Variants in PTPRG observed in about 807,000 individuals in gnomAD.
The protein encoded by PTPRG is protein tyrosine phosphatase receptor type G, also known as receptor-type tyrosine-protein phosphatase gamma.
PTPRG carries 102 observed loss-of-function variants against 165.3 expected under a neutral mutation model. The observed-to-expected ratio is 0.62, with a 90% CI of 0.53 to 0.73. The LOEUF (loss-of-function observed/expected upper bound fraction) is 0.73. Among genes scored for constraint, PTPRG ranks in the 30% least tolerant of loss-of-function variants. The pLI is 0.00. For missense variants in PTPRG, 1,866 were observed against 1,861.4 expected (o/e 1.00, Z -0.05); for synonymous variants, 675 against 669.5 (o/e 1.01, Z -0.13).
Position 62,191,482 on chromosome 3 carries a change from A to T in PTPRG, c.1047A>T (p.Pro349=), listed in dbSNP as rs1216901433. 3.1e-6 allele frequency: 5 copies of T among 1,613,628 alleles called. No individual in the cohort carries two copies. Among genetic ancestry groups the T allele is most frequent in the African/African-American group, 2.7e-5 (2 of 74,870 alleles). Reference sequence around the variant, plus strand: ...GTGTATCTTCAGTTTGCAGCTCTCCACCCATCCACATGAAGGTGCAGCCTC... The same window carrying T: ...GTGTATCTTCAGTTTGCAGCTCTCCTCCCATCCACATGAAGGTGCAGCCTC... The part of the protein sequence containing the change: ...GTEASKVCSS[P]PIHMKVQPLN... The change falls in exon 9 of 30, where the codon CCA becomes CCT. Residue 349 remains proline (P), a synonymous_variant. Transcript: ENST00000474889.
chr3:61,731,296 C>T (rs1215776550), intron 1 of PTPRG, among the ~76,000 whole-genome samples: 2 of 150,342 alleles, frequency 1.3e-5, no homozygotes, highest in African/African-American at 4.9e-5. Flanking sequence ...GGGACAGGAA[C>T]ATTAGTAGGG....
At chr3:61,947,442 A>G (rs1455263733) in intron 2 of PTPRG, among the ~76,000 whole-genome samples, 1 of 152,222 alleles carries the variant, frequency 6.6e-6, no homozygotes, top group Admixed American at 6.5e-5. Context: ...AAATTGAGAT[A>G]AAGTGCACAG....
At chr3:62,071,364 C>T (rs1451873424) in intron 4 of PTPRG, among the ~76,000 whole-genome samples, 2 of 152,162 alleles carry the variant, frequency 1.3e-5, no homozygotes, top group Non-Finnish European at 2.9e-5. Flanking sequence ...CCTTTTGCTT[C>T]CATGATCACA....
intron 14 of PTPRG, among the ~76,000 whole-genome samples, chr3:62,243,215 G>A (rs1434729373): frequency 6.6e-6 from 1 of 151,878 alleles, no homozygotes; most frequent in Non-Finnish European, 1.5e-5. Flanking sequence ...AAACAAACAA[G>A]CAGATGACAC....
chr3:61,813,563 G>GTA (rs1224358853), intron 2 of PTPRG, among the ~76,000 whole-genome samples: 1 of 146,440 alleles, frequency 6.8e-6, no homozygotes, highest in Non-Finnish European at 1.5e-5. Context: ...GTGTGTGTGT[G>GTA]TGTGTGTGTG....
At chr3:61,704,471 T>C (rs2031145100) in intron 1 of PTPRG, among the ~76,000 whole-genome samples, 1 of 152,086 alleles carries the variant, frequency 6.6e-6, no homozygotes, top group Non-Finnish European at 1.5e-5. Context: ...GAAAAACAAA[T>C]ACAAATTTGT....
At chr3:62,279,656 T>C (rs1702359967) in intron 26 of PTPRG, among the ~76,000 whole-genome samples, 1 of 152,094 alleles carries the variant, frequency 6.6e-6, no homozygotes, top group South Asian at 2.1e-4. Context: ...CAGACTTCTT[T>C]TGTATAGACT....
chr3:62,209,056 A>G (rs1463347911), intron 12 of PTPRG, among the ~76,000 whole-genome samples: 1 of 152,238 alleles, frequency 6.6e-6, no homozygotes. Context: ...TCCCAGAATG[A>G]GCAATGCCAG....
chr3:61,812,000 C>A (rs956298426), intron 2 of PTPRG, among the ~76,000 whole-genome samples: 3 of 151,938 alleles, frequency 2.0e-5, no homozygotes, highest in Non-Finnish European at 4.4e-5. Context: ...GGCCTGTCTT[C>A]AAAAAAAGGC....
In PTPRG at chr3:61,674,192, AAAAG is replaced by A. The variant is rs1377653969; in HGVS notation, c.86-74682_86-74679del. Among the ~76,000 whole-genome samples, 261 of 151,952 alleles carry A rather than the reference AAAAG, an allele frequency of 1.7e-3. 5 individuals are homozygous for A. The highest frequency in any genetic ancestry group is 6.0e-3 in the African/African-American group (246 of 41,280). On this transcript the variant is annotated intron_variant, in intron 1 of 29. Transcript: ENST00000474889. ...ACAAGTATAATAATAATAAAAAAAA[AAAAG>A]AAACATGGCTTTGCATGAGAAAAGC...
At chr3:61,956,090 T>TTATATATATATATATATATATATATA (rs139960761) in intron 2 of PTPRG, among the ~76,000 whole-genome samples, 57 of 149,044 alleles carry the variant, frequency 3.8e-4, no homozygotes, top group African/African-American at 1.3e-3. Context: ...GGGAAAAAAA[T>TTATATATATATATATATATATATATA]TATATATATA....
chr3:62,262,538 T>C lies in PTPRG; in HGVS notation c.2560-260T>C, dbSNP rs189435673. ...ACTATGATGTATTCAAAAAGAGATA[T>C]TGTTTTACATCTCAGGGACTAGGTC... On this transcript the variant is annotated intron_variant, in intron 16 of 29. Transcript: ENST00000474889. 8.2e-3 allele frequency: 2,735 copies of C among 335,554 alleles called. 36 individuals carry two copies. The highest frequency in any genetic ancestry group is 0.011 in the Non-Finnish European group (2,014 of 186,608). The allele number at this position is 335,554 out of a possible 1,614,324, so 20.8% of individuals were successfully genotyped here. A position where few individuals can be genotyped will look rare whatever the true frequency, so the allele number is the denominator to read the frequency against.
At chr3:61,866,269 C>T (rs652416) in intron 2 of PTPRG, among the ~76,000 whole-genome samples, 46,223 of 152,006 alleles carry the variant, frequency 0.3, 8,449 homozygotes, top group African/African-American at 0.52. Flanking sequence ...TTCCCTTTTC[C>T]CATCCTGATA....
intron 5 of PTPRG, among the ~76,000 whole-genome samples, chr3:62,081,281 C>T (rs1173281952): frequency 4.7e-5 from 7 of 148,890 alleles, no homozygotes; most frequent in Admixed American, 6.6e-5. Flanking sequence ...AACAAACAAA[C>T]AAACAAACAA....
chr3:61,985,540 G>A (rs1249459411), intron 2 of PTPRG, among the ~76,000 whole-genome samples: 1 of 152,158 alleles, frequency 6.6e-6, no homozygotes, highest in Admixed American at 6.5e-5. Context: ...TGGTATCTGG[G>A]TACCTCATTG....
intron 1 of PTPRG, among the ~76,000 whole-genome samples, chr3:61,595,428 G>T (rs112530520): frequency 0.012 from 1,786 of 152,294 alleles, 33 homozygotes; most frequent in African/African-American, 0.041. Context: ...CTCAAAGTTT[G>T]TATATTCTCC....
At chr3:62,137,336 A>T (rs9817328) in intron 6 of PTPRG, among the ~76,000 whole-genome samples, 21,814 of 150,762 alleles carry the variant, frequency 0.14, 1,714 homozygotes, top group East Asian at 0.37. Flanking sequence ...TCCATTTTTT[A>T]AAAAAAAAAT....
At chr3:62,058,638 C>T (rs552292005) in intron 4 of PTPRG, among the ~76,000 whole-genome samples, 5 of 152,174 alleles carry the variant, frequency 3.3e-5, no homozygotes, top group Non-Finnish European at 5.9e-5. Context: ...GTATGTAGGC[C>T]GTGGGTCTGT....
Position 62,226,385 on chromosome 3 carries a change from AT to A in PTPRG, c.2289-4839del, listed in dbSNP as rs1241125988. Among the ~76,000 whole-genome samples the A allele has an allele frequency of 7.6e-4, 115 of 152,248 alleles. 1 individual carries two copies. The highest frequency in any genetic ancestry group is 2.1e-4 in the Non-Finnish European group (14 of 68,042). Reference sequence around the variant, plus strand: ...CATCCTTTGTTTTGGATTTGCCAAAATCATGTGAAAGAAAACTTAAGAAACC... The same window carrying A: ...CATCCTTTGTTTTGGATTTGCCAAAACATGTGAAAGAAAACTTAAGAAACC... On this transcript the variant is annotated intron_variant, in intron 13 of 29. Coordinates refer to ENST00000474889, the MANE Select transcript of PTPRG (RefSeq NM_002841.4).
Sources: allele counts gnomAD v4.1 joint callset (sites outside exome capture counted in the v4.1 genomes callset), GRCh38; gene constraint gnomAD v4.1.1; transcripts MANE v1.5; gene names NCBI Gene and HGNC (gene_info 2026-07-23, HGNC 2026-07-21).